The following PLEKHG3 variants were observed in gnomAD, a reference collection of about 807,000 sequenced individuals.
PLEKHG3 encodes the protein pleckstrin homology domain-containing family G member 3.
A neutral mutation model predicts 94.9 loss-of-function variants in PLEKHG3; 62 were observed. The observed-to-expected ratio is 0.65, with a 90% CI of 0.53 to 0.81. PLEKHG3 has a LOEUF of 0.81. PLEKHG3 is among the 30% of genes least tolerant of loss of function. The pLI, the probability that PLEKHG3 is intolerant of heterozygous loss-of-function variation, is 0.00. For synonymous variants in PLEKHG3, 614 were observed against 654.0 expected (o/e 0.94, Z 0.93); for missense variants, 1,461 against 1,619.3 (o/e 0.90, Z 1.68).
rs2081121512 is a variant in PLEKHG3 at position 64,715,262 on chromosome 14, G to A, written c.-40+10558G>A. ...TGAGAGCATTCCTATGAGGTAGGGT[G>A]AGAGATGGCCTTCTTGGCTTCGTCT... On this transcript the variant is annotated intron_variant, in intron 1 of 16. Transcript: ENST00000247226. The surrounding 1 kb of genome is among the most constrained non-coding windows in gnomAD (Gnocchi z 4.4). 6.6e-6 allele frequency among the ~76,000 whole-genome samples: 1 copy of A among 152,194 alleles called. No homozygotes were observed.
rs570736960 is a variant in PLEKHG3 at position 64,738,658 on chromosome 14, G to A, written c.1405-84G>A. 8.4e-5 allele frequency: 82 copies of A among 974,642 alleles called. 1 individual carries two copies. In the Middle Eastern group the frequency reaches 1.2e-3, roughly 15 times the overall value. The allele number at this position is 974,642 out of a possible 1,614,324, so 60.4% of individuals were successfully genotyped here. Reference sequence around the variant, plus strand: ...TCAGCTCAGCCCAGCCCCTTGGGGCGTGGGAGGCACTGCCCGTGTTGGGAT... The same window carrying A: ...TCAGCTCAGCCCAGCCCCTTGGGGCATGGGAGGCACTGCCCGTGTTGGGAT... On this transcript the variant is annotated intron_variant, in intron 14 of 16. Coordinates refer to ENST00000247226, the MANE Select transcript of PLEKHG3 (RefSeq NM_001308147.2). The surrounding 1 kb of genome is among the most constrained non-coding windows in gnomAD (Gnocchi z 4.8).
rs1273767821 is a variant in PLEKHG3, at chr14:64,721,708, C to T, written c.-39-5885C>T. Among the ~76,000 whole-genome samples the T allele has an allele frequency of 6.6e-6, 1 of 152,158 alleles. No homozygotes were observed. Among genetic ancestry groups the T allele is most frequent in the African/African-American group, 2.4e-5 (1 of 41,448 alleles). On this transcript the variant is annotated intron_variant, in intron 1 of 16. Transcript: ENST00000247226. This position sits in a 1 kb window ranked among gnomAD's most constrained non-coding sequence, Gnocchi z 4.3. ...ACGGTGCTCAGGGCTGCTGAATCTCCAGGAGGGATGGGAGGGGTCAGAGTG... is the reference window on the plus strand; with the variant it reads ...ACGGTGCTCAGGGCTGCTGAATCTCTAGGAGGGATGGGAGGGGTCAGAGTG...
chr14:64,731,131 G>T lies in PLEKHG3; in HGVS notation c.811G>T (p.Asp271Tyr). 1 of 1,611,256 alleles carries T rather than the reference G, an allele frequency of 6.2e-7. No individual in the cohort carries two copies. The highest frequency in any genetic ancestry group is 1.7e-5 in the Admixed American group (1 of 59,964). The change falls in exon 7 of 17, where the codon GAC becomes TAC. Residue 271 changes from aspartate to tyrosine, a missense_variant. By Grantham distance (160) the Asp-to-Tyr change is radical. Around this residue, in one of 3 missense-constraint regions of PLEKHG3, gnomAD observed 1,201 missense variants for 1,295.5 expected, o/e 0.93. Coordinates refer to ENST00000247226, the MANE Select transcript of PLEKHG3 (RefSeq NM_001308147.2). This position sits in a 1 kb window ranked among gnomAD's most constrained non-coding sequence, Gnocchi z 6.1. ...GACCTGTGTGGCCTGGTACATCAAC[G>T]ACATGAAGAGGAGGCATGAGCACGC... ...TMTCVAWYINDMKRRHEHAVR... is the reference protein window; with the variant it reads ...TMTCVAWYINYMKRRHEHAVR...
At position 64,730,273 on chromosome 14, in the gene PLEKHG3, T is replaced by C. The variant is rs558898465; in HGVS notation, c.480T>C (p.Asn160=). Residue 160 remains asparagine, a synonymous_variant, in exon 4 of 17, where the codon AAT becomes AAC. Coordinates refer to ENST00000247226, the MANE Select transcript of PLEKHG3 (RefSeq NM_001308147.2). The surrounding 1 kb of genome is among the most constrained non-coding windows in gnomAD (Gnocchi z 5.4). ...SQLLRDLDSC[N]SDPVAVASCF... is the part of the protein sequence containing the mutation. Reference sequence around the variant, plus strand: ...TCCTCAGAGACCTGGACAGCTGCAATAGTGACCCCGTGGCTGTGGCCAGCT... The same window carrying C: ...TCCTCAGAGACCTGGACAGCTGCAACAGTGACCCCGTGGCTGTGGCCAGCT... The C allele has an allele frequency of 3.3e-6, 5 of 1,535,276 alleles. No homozygotes were observed. In the African/African-American group the frequency reaches 6.8e-5, roughly 21 times the overall value.
Position 64,739,757 on chromosome 14 carries a change from G to A in PLEKHG3, c.1518+902G>A, listed in dbSNP as rs1305980608. Among the ~76,000 whole-genome samples the A allele has an allele frequency of 6.6e-6, 1 of 152,196 alleles. No individual in the cohort carries two copies. On this transcript the variant is annotated intron_variant, in intron 15 of 16. Transcript: ENST00000247226. The surrounding 1 kb of genome is among the most constrained non-coding windows in gnomAD (Gnocchi z 4.1). ...TGCTGTGTCCTCACATGGCAAAGGG[G>A]CAAGGAAGCTCCCTTGATCCTCATT...
In PLEKHG3 at chr14:64,748,858, C is replaced by T. The variant is rs1347567028; in HGVS notation, c.*5155C>T. On this transcript the variant is annotated 3_prime_UTR_variant, in exon 17 of 17. Coordinates refer to ENST00000247226, the MANE Select transcript of PLEKHG3 (RefSeq NM_001308147.2). The stretch of plus-strand genomic sequence containing the variant: ...CCTTTCCCCTTTCCCTGGCTGCCAC[C>T]AGGTGGGAGGTGACCCGAAGCAAGA... 6 of 167,460 alleles carry T rather than the reference C, an allele frequency of 3.6e-5. No homozygotes were observed. Among genetic ancestry groups the T allele is most frequent in the Non-Finnish European group, 7.6e-5 (6 of 78,990 alleles). The allele number at this position is 167,460 out of a possible 1,614,324, so 10.4% of individuals were successfully genotyped here.
In PLEKHG3 at chr14:64,741,106, A is replaced by G. The variant is rs756354818; in HGVS notation, c.1589A>G (p.Glu530Gly). ...GCTGTGGAAGGGCCCAGTGCCGAGG[A>G]GACGCCTTCAGACACAGAATCTCCA... ...FSAVEGPSAE[E>G]TPSDTESPEV... is the part of the protein sequence containing the mutation. The change falls in exon 16 of 17, where the codon GAG (glutamate) becomes GGG (glycine). Residue 530 changes from glutamate to glycine, a missense_variant. Coordinates refer to ENST00000247226, the MANE Select transcript of PLEKHG3 (RefSeq NM_001308147.2). 10 of 1,613,726 alleles carry G rather than the reference A, an allele frequency of 6.2e-6. No individual in the cohort carries two copies. Among genetic ancestry groups the G allele is most frequent in the Non-Finnish European group, 7.6e-6 (9 of 1,179,814 alleles).
chr14:64,727,861 C>A lies in PLEKHG3; in HGVS notation c.230C>A (p.Pro77Gln). The A allele has an allele frequency of 6.2e-7, 1 of 1,613,332 alleles. No homozygotes were observed. Among genetic ancestry groups the A allele is most frequent in the Non-Finnish European group, 8.5e-7 (1 of 1,179,530 alleles). ...SWLNVKGPLS[P>Q]FNSRAAAGPA... ...TTGAACGTGAAGGGGCCCCTCTCCC[C>A]GTTCAACAGCCGGGCAGCGGCAGGG... The change falls in exon 2 of 17, where the codon CCG (proline) becomes CAG (glutamine). Residue 77 changes from proline (P) to glutamine (Q), a missense_variant. Physicochemically the swap from Pro to Gln is moderately conservative, Grantham distance 76. Around this residue, in one of 3 missense-constraint regions of PLEKHG3, gnomAD observed 253 missense variants for 297.8 expected, o/e 0.85. Coordinates refer to ENST00000247226, the MANE Select transcript of PLEKHG3 (RefSeq NM_001308147.2). This position sits in a 1 kb window ranked among gnomAD's most constrained non-coding sequence, Gnocchi z 6.0.
Position 64,750,051 on chromosome 14 carries a change from G to T in PLEKHG3, c.*6348G>T, listed in dbSNP as rs1555364746. 1 of 1,614,214 alleles carries T rather than the reference G, an allele frequency of 6.2e-7. No individual in the cohort carries two copies. Among genetic ancestry groups the T allele is most frequent in the African/African-American group, 1.3e-5 (1 of 75,052 alleles). The stretch of plus-strand genomic sequence containing the variant: ...TCACAGATGGCATGTCTCAGGGCCA[G>T]GGGTTCCTCCCCATGGTAGGGCATC... On this transcript the variant is annotated 3_prime_UTR_variant, in exon 17 of 17. Coordinates refer to ENST00000247226, the MANE Select transcript of PLEKHG3 (RefSeq NM_001308147.2).
At position 64,720,349 on chromosome 14, in the gene PLEKHG3, A is replaced by G. The variant is rs1566697005; in HGVS notation, c.-39-7244A>G. Among the ~76,000 whole-genome samples the G allele has an allele frequency of 6.6e-6, 1 of 152,146 alleles. No individual in the cohort carries two copies. Among genetic ancestry groups the G allele is most frequent in the African/African-American group, 2.4e-5 (1 of 41,424 alleles). Reference sequence around the variant, plus strand: ...CATCAATCCTGGCGCTTCTTGGTTGATCGGAAACTTGCTGGCAGTGACTAA... The same window carrying G: ...CATCAATCCTGGCGCTTCTTGGTTGGTCGGAAACTTGCTGGCAGTGACTAA... On this transcript the variant is annotated intron_variant, in intron 1 of 16. Coordinates refer to ENST00000247226, the MANE Select transcript of PLEKHG3 (RefSeq NM_001308147.2). The surrounding 1 kb of genome is among the most constrained non-coding windows in gnomAD (Gnocchi z 4.1).
At position 64,732,546 on chromosome 14, in the gene PLEKHG3, A is replaced by T; in HGVS notation, c.1246+86A>T. On this transcript the variant is annotated intron_variant, in intron 11 of 16. Coordinates refer to ENST00000247226, the MANE Select transcript of PLEKHG3 (RefSeq NM_001308147.2). This position sits in a 1 kb window ranked among gnomAD's most constrained non-coding sequence, Gnocchi z 4.9. ...CATCCTGGGGAAGCTTTACCTGATA[A>T]TTTTATTCCAGGAGCAGGGAGGGCG... 7.0e-6 allele frequency: 8 copies of T among 1,144,152 alleles called. No homozygotes were observed. The highest frequency in any genetic ancestry group is 1.2e-5 in the South Asian group (1 of 81,110). 70.9% of individuals were successfully genotyped at this position (1,144,152 alleles called of 1,614,324 possible).
In PLEKHG3 at chr14:64,730,734, C is replaced by T. The variant is rs1355797243; in HGVS notation, c.566+46C>T. ...GGAAGGCAGAGCCATTTGGTGAGTC[C>T]AGAGCCCCCCACTTCCTCATCCAGG... is the stretch of plus-strand genomic sequence containing the variant. On this transcript the variant is annotated intron_variant, in intron 5 of 16. Coordinates refer to ENST00000247226, the MANE Select transcript of PLEKHG3 (RefSeq NM_001308147.2). This position sits in a 1 kb window ranked among gnomAD's most constrained non-coding sequence, Gnocchi z 5.4. 6.2e-7 allele frequency: 1 copy of T among 1,612,120 alleles called. No individual in the cohort carries two copies. The highest frequency in any genetic ancestry group is 8.5e-7 in the Non-Finnish European group (1 of 1,178,260).
In PLEKHG3 at chr14:64,731,034, G is replaced by C; in HGVS notation, c.718-4G>C. 6.2e-7 allele frequency: 1 copy of C among 1,614,078 alleles called. No homozygotes were observed. Among genetic ancestry groups the C allele is most frequent in the Non-Finnish European group, 8.5e-7 (1 of 1,180,018 alleles). On this transcript the variant is annotated splice_region_variant and splice_polypyrimidine_tract_variant and intron_variant, in intron 6 of 16. Coordinates refer to ENST00000247226, the MANE Select transcript of PLEKHG3 (RefSeq NM_001308147.2). The surrounding 1 kb of genome is among the most constrained non-coding windows in gnomAD (Gnocchi z 6.1). ...GGGCACCTAAGCGTCTATCTTCTGC[G>C]CAGGAAATTGCCAAGCATTTTGATG...
Position 64,749,556 on chromosome 14 carries a change from G to T in PLEKHG3, c.*5853G>T. 6.2e-7 allele frequency: 1 copy of T among 1,603,336 alleles called. No individual in the cohort carries two copies. The highest frequency in any genetic ancestry group is 8.5e-7 in the Non-Finnish European group (1 of 1,178,424). ...CCAGGCAACAATGGTGGGGGCTCTT[G>T]GGACTGCCCCTTCTGAGGGGGCCTC... On this transcript the variant is annotated 3_prime_UTR_variant, in exon 17 of 17. Transcript: ENST00000247226. The surrounding 1 kb of genome is among the most constrained non-coding windows in gnomAD (Gnocchi z 4.7).
intron 1 of PLEKHG3, among the ~76,000 whole-genome samples, chr14:64,706,916 AG>A (rs1309515412): frequency 1.3e-5 from 2 of 152,200 alleles, no homozygotes; most frequent in Non-Finnish European, 2.9e-5. Flanking sequence ...CTGGCCTTGG[AG>A]GGTTAAAAGT....
chr14:64,730,381 A>C lies in PLEKHG3; in HGVS notation c.519+69A>C, dbSNP rs541719296. The C allele has an allele frequency of 1.5e-5, 15 of 1,020,126 alleles. No individual in the cohort carries two copies. The Admixed American group carries it at 1.6e-4, about 11-fold the overall frequency. The allele number at this position is 1,020,126 out of a possible 1,614,324, so 63.2% of individuals were successfully genotyped here. ...GCTCAGAGAGACAAGAACTGCCAGC[A>C]TAAGAGGACATCTGAGTCCTGGGGA... On this transcript the variant is annotated intron_variant, in intron 4 of 16. Coordinates refer to ENST00000247226, the MANE Select transcript of PLEKHG3 (RefSeq NM_001308147.2). This position sits in a 1 kb window ranked among gnomAD's most constrained non-coding sequence, Gnocchi z 5.4.
In PLEKHG3 at chr14:64,728,451, A is replaced by C. The variant is rs1482716319; in HGVS notation, c.351+469A>C. ...GCCCCACTGGCTCAGGGCGTGGATT[A>C]GTTTCCTAGGGCTGCCTTAACAAAT... is the stretch of plus-strand genomic sequence containing the variant. On this transcript the variant is annotated intron_variant, in intron 2 of 16. Transcript: ENST00000247226. This position sits in a 1 kb window ranked among gnomAD's most constrained non-coding sequence, Gnocchi z 5.9. Among the ~76,000 whole-genome samples, 2 of 152,266 alleles carry C rather than the reference A, an allele frequency of 1.3e-5. No individual in the cohort carries two copies. The highest frequency in any genetic ancestry group is 1.9e-4 in the East Asian group (1 of 5,202).
chr14:64,741,111 C>T lies in PLEKHG3; in HGVS notation c.1594C>T (p.Pro532Ser), dbSNP rs753884991. ...AVEGPSAEET[P>S]SDTESPEVLE... ...GGAAGGGCCCAGTGCCGAGGAGACG[C>T]CTTCAGACACAGAATCTCCAGAAGT... The change falls in exon 16 of 17, where the codon CCT becomes TCT. Residue 532 changes from proline to serine, a missense_variant. By Grantham distance (74) the Pro-to-Ser change is moderately conservative. Around this residue, in one of 3 missense-constraint regions of PLEKHG3, gnomAD observed 1,201 missense variants for 1,295.5 expected, o/e 0.93. Coordinates refer to ENST00000247226, the MANE Select transcript of PLEKHG3 (RefSeq NM_001308147.2). The T allele has an allele frequency of 6.2e-6, 10 of 1,613,826 alleles. No individual in the cohort carries two copies. The highest frequency in any genetic ancestry group is 4.4e-5 in the South Asian group (4 of 91,062).
intron 12 of PLEKHG3, among the ~76,000 whole-genome samples, chr14:64,735,914 C>T (rs1026115834): frequency 2.0e-5 from 3 of 152,250 alleles, no homozygotes; most frequent in African/African-American, 7.2e-5. Context: ...AAGAATAGAA[C>T]ATTTTCTACT....
Sources: allele counts gnomAD v4.1 joint callset (sites outside exome capture counted in the v4.1 genomes callset), GRCh38; gene constraint gnomAD v4.1.1; regional missense constraint gnomAD v4.1.1; non-coding constraint Gnocchi (gnomAD v3.1); transcripts MANE v1.5; gene names NCBI Gene and HGNC (gene_info 2026-07-23, HGNC 2026-07-21).